CCDC91: variants seen among roughly 807,000 people sequenced by gnomAD.
The protein encoded by CCDC91 is coiled-coil domain containing 91.
In CCDC91, 48 loss-of-function variants were observed where a neutral mutation model predicts 63.2. The ratio of observed to expected loss-of-function variants is 0.76; its 90% confidence interval spans 0.60 to 0.97. The LOEUF (loss-of-function observed/expected upper bound fraction) is 0.97. CCDC91 is among the 50% of genes least tolerant of loss of function. The pLI is 0.00. For missense variants in CCDC91, 500 were observed against 494.6 expected (o/e 1.01, Z -0.10); for synonymous variants, 167 against 165.8 (o/e 1.01, Z -0.06).
At chr12:28,285,213 G>A (rs1293471323) in intron 3 of CCDC91, among the ~76,000 whole-genome samples, 2 of 152,146 alleles carry the variant, frequency 1.3e-5, no homozygotes, top group East Asian at 3.9e-4. Flanking sequence ...ATAACCAAGT[G>A]AGAAGTTTTT....
chr12:28,213,165 T>TC (rs751789435), intron 1 of CCDC91, among the ~76,000 whole-genome samples: 26 of 152,106 alleles, frequency 1.7e-4, no homozygotes, highest in African/African-American at 5.5e-4. Flanking sequence ...GCCCCTCCTT[T>TC]CCCCCCAGGG....
intron 1 of CCDC91, among the ~76,000 whole-genome samples, chr12:28,230,988 C>T (rs977325227): frequency 6.6e-6 from 1 of 152,170 alleles, no homozygotes; most frequent in African/African-American, 2.4e-5. Context: ...AAAGCCAGAT[C>T]TCTTACATTA....
chr12:28,476,785 G>A (rs1454088774), intron 11 of CCDC91, among the ~76,000 whole-genome samples: 1 of 151,934 alleles, frequency 6.6e-6, no homozygotes, highest in Non-Finnish European at 1.5e-5. Context: ...TGATAAAGGG[G>A]ATACCACCAC....
intron 3 of CCDC91, among the ~76,000 whole-genome samples, chr12:28,271,117 A>G (rs1947741544): frequency 6.6e-6 from 1 of 152,152 alleles, no homozygotes; most frequent in South Asian, 2.1e-4. Flanking sequence ...AGAATATCAG[A>G]TACAGGCAGT....
At chr12:28,278,047 T>G (rs1948363231) in intron 3 of CCDC91, among the ~76,000 whole-genome samples, 3 of 152,068 alleles carry the variant, frequency 2.0e-5, no homozygotes, top group African/African-American at 7.2e-5. Context: ...CATCTCCGCA[T>G]GTTCAGATCA....
intron 3 of CCDC91, among the ~76,000 whole-genome samples, chr12:28,271,046 C>T (rs1428771889): frequency 6.6e-6 from 1 of 151,978 alleles, no homozygotes; most frequent in Non-Finnish European, 1.5e-5. Flanking sequence ...ATATGGAGTG[C>T]CAGCATAGCG....
At chr12:28,229,172 A>G (rs1042227182) in intron 1 of CCDC91, among the ~76,000 whole-genome samples, 3 of 149,116 alleles carry the variant, frequency 2.0e-5, no homozygotes, top group Non-Finnish European at 4.5e-5. Flanking sequence ...TGGGGGTTCT[A>G]CTTTTTTCAT....
At chr12:28,234,175 T>C (rs1453613726) in intron 1 of CCDC91, among the ~76,000 whole-genome samples, 37 of 152,186 alleles carry the variant, frequency 2.4e-4, no homozygotes. Context: ...TGGATAGTCA[T>C]GAAAATGATA....
rs182025684 is a variant in CCDC91, at chr12:28,316,854, T to G, written c.576+9105T>G. Among the ~76,000 whole-genome samples, 507 of 152,100 alleles carry G rather than the reference T, an allele frequency of 3.3e-3. 1 individual carries two copies. The highest frequency in any genetic ancestry group is 5.0e-3 in the Non-Finnish European group (342 of 67,938). On this transcript the variant is annotated intron_variant, in intron 6 of 12. Coordinates refer to ENST00000536442, the MANE Select transcript of CCDC91 (RefSeq NM_018318.5). ...ATCTTGACCCTCTCTTTCTTCTCTC[T>G]CTATTGTCTCTGGTTTGGTCAATTT...
intron 7 of CCDC91, among the ~76,000 whole-genome samples, chr12:28,374,895 T>C (rs74996184): frequency 0.014 from 2,167 of 152,214 alleles, 14 homozygotes; most frequent in African/African-American, 0.025. Flanking sequence ...CCTAAAGTTA[T>C]TATGTTCTAT....
At chr12:28,363,828 G>A (rs1424983469) in intron 7 of CCDC91, among the ~76,000 whole-genome samples, 2 of 131,610 alleles carry the variant, frequency 1.5e-5, no homozygotes, top group Non-Finnish European at 3.1e-5. Context: ...AGTGAGCCGA[G>A]ATTGCGCCAC....
chr12:28,204,466 T>C (rs1942695565), intron 1 of CCDC91, among the ~76,000 whole-genome samples: 1 of 152,166 alleles, frequency 6.6e-6, no homozygotes, highest in South Asian at 2.1e-4. Flanking sequence ...AGTAATGCTA[T>C]GATATATTTC....
At chr12:28,451,190 T>C (rs1468027595) in intron 10 of CCDC91, among the ~76,000 whole-genome samples, 2 of 151,656 alleles carry the variant, frequency 1.3e-5, no homozygotes, top group Non-Finnish European at 1.5e-5. Context: ...TGTGATCTAA[T>C]GGTAATTGAC....
At chr12:28,501,386 T>A (rs1592865254) in intron 12 of CCDC91, among the ~76,000 whole-genome samples, 1 of 151,966 alleles carries the variant, frequency 6.6e-6, no homozygotes. Flanking sequence ...GTCCCATCAA[T>A]ACCTAATTTA....
At chr12:28,328,271 A>G (rs554777569) in intron 6 of CCDC91, among the ~76,000 whole-genome samples, 15 of 152,180 alleles carry the variant, frequency 9.9e-5, no homozygotes, top group Admixed American at 7.2e-4. Flanking sequence ...TGCTAAACAT[A>G]TTGTATTTTT....
Position 28,418,893 on chromosome 12 carries a change from C to T in CCDC91, c.762+27482C>T, listed in dbSNP as rs577292633. ...AATATCTACCATCAAAATAATTACA[C>T]AAGATAAAGGCAAGTCAAACAAACT... On this transcript the variant is annotated intron_variant, in intron 8 of 12. Coordinates refer to ENST00000536442, the MANE Select transcript of CCDC91 (RefSeq NM_018318.5). 1.2e-4 allele frequency among the ~76,000 whole-genome samples: 19 copies of T among 152,044 alleles called. No homozygotes were observed. The East Asian group carries it at 3.3e-3, about 26-fold the overall frequency.
intron 11 of CCDC91, among the ~76,000 whole-genome samples, chr12:28,459,991 C>A (rs777769915): frequency 1.1e-4 from 16 of 152,230 alleles, no homozygotes; most frequent in Non-Finnish European, 2.4e-4. Flanking sequence ...TTCTAATTTA[C>A]ATATAGGTAC....
At chr12:28,530,830 AC>A (rs1407783670) in intron 12 of CCDC91, among the ~76,000 whole-genome samples, 2 of 151,994 alleles carry the variant, frequency 1.3e-5, no homozygotes, top group African/African-American at 2.4e-5. Flanking sequence ...CCAATTAAAT[AC>A]CCCTTGAGTG....
At chr12:28,412,634 A>G (rs1947386115) in intron 8 of CCDC91, 1 of 383,188 alleles carries the variant, frequency 2.6e-6, no homozygotes, top group African/African-American at 2.1e-5. Flanking sequence ...ATTTTGAAGA[A>G]TGAAAGGACA....
Sources: allele counts gnomAD v4.1 joint callset (sites outside exome capture counted in the v4.1 genomes callset), GRCh38; gene constraint gnomAD v4.1.1; transcripts MANE v1.5; gene names NCBI Gene and HGNC (gene_info 2026-07-23, HGNC 2026-07-21).